CUL3: variants seen among roughly 807,000 people sequenced by gnomAD.
CUL3 encodes cullin-3.
Under a neutral mutation model 89.1 loss-of-function variants are expected in CUL3, and 19 were observed. The ratio of observed to expected loss-of-function variants is 0.21; its 90% CI spans 0.15 to 0.31. The LOEUF is 0.31. Ranked by LOEUF, CUL3 falls within the 10% of genes least tolerant of loss-of-function variation. The pLI is 1.00. For missense variants in CUL3, 469 were observed against 942.3 expected (o/e 0.50, Z 6.58); for synonymous variants, 351 against 308.4 (o/e 1.14, Z -1.45).
Position 224,473,871 on chromosome 2 carries a change from C to T in CUL3, c.*374G>A, listed in dbSNP as rs772518058. On this transcript the variant is annotated 3_prime_UTR_variant, in exon 16 of 16. Coordinates refer to ENST00000264414, the MANE Select transcript of CUL3 (RefSeq NM_003590.5). ...ATGCGCAAAGTGCTAAGCAACACTA[C>T]AAAACACATTTACATCAACACTGAA... 1.6e-4 allele frequency: 34 copies of T among 218,202 alleles called. No homozygotes were observed. Among genetic ancestry groups the T allele is most frequent in the Non-Finnish European group, 2.7e-4 (29 of 108,458 alleles). The allele number at this position is 218,202 out of a possible 1,614,324, so 13.5% of individuals were successfully genotyped here. A position where few individuals can be genotyped will look rare whatever the true frequency, so the allele number is the denominator to read the frequency against.
rs1691144171 is a variant in CUL3, at chr2:224,471,878, A to G, written c.*2367T>C. ...TATCCACCCTCCTTAAAAGTCTTCT[A>G]ATAAATCACCAAAATTTCTCTGCAC... On this transcript the variant is annotated 3_prime_UTR_variant, in exon 16 of 16. Transcript: ENST00000264414. 1 of 230,878 alleles carries G rather than the reference A, an allele frequency of 4.3e-6. No homozygotes were observed. The highest frequency in any genetic ancestry group is 1.8e-4 in the South Asian group (1 of 5,512). 14.3% of individuals were successfully genotyped at this position (230,878 alleles called of 1,614,324 possible).
At chr2:224,508,425 CACATACTACAGTAAAT>C (rs541324862) in intron 6 of CUL3, among the ~76,000 whole-genome samples, 128 of 152,266 alleles carry the variant, frequency 8.4e-4, no homozygotes, top group African/African-American at 2.8e-3. Flanking sequence ...AATCTATGGA[CACATACTACAGTAAAT>C]GTGGCACACC....
chr2:224,500,105 A>T, intron 11 of CUL3: 2 of 320,214 alleles, frequency 6.2e-6, no homozygotes, highest in Non-Finnish European at 1.2e-5. Flanking sequence ...TTCCATTTTT[A>T]CTGCTGCTCT....
chr2:224,509,645 C>T (rs1196959906), intron 6 of CUL3, among the ~76,000 whole-genome samples: 5 of 152,342 alleles, frequency 3.3e-5, no homozygotes, highest in African/African-American at 1.2e-4. Context: ...CGTAAGTGCT[C>T]GCCATGATAG....
rs143976510 is a variant in CUL3, at chr2:224,523,330, A to C, written c.379-8558T>G. Among the ~76,000 whole-genome samples, 35 of 152,232 alleles carry C rather than the reference A, an allele frequency of 2.3e-4. No individual in the cohort carries two copies. The East Asian group carries it at 6.2e-3, about 27-fold the overall frequency. On this transcript the variant is annotated intron_variant, in intron 3 of 15. Coordinates refer to ENST00000264414, the MANE Select transcript of CUL3 (RefSeq NM_003590.5). ...GACCAACGCCCCTGGAAGAACAACT[A>C]TAAAAGCTGGATGAAAATAAAAAAC...
intron 2 of CUL3, among the ~76,000 whole-genome samples, chr2:224,554,065 C>A (rs575692152): frequency 6.6e-6 from 1 of 152,110 alleles, no homozygotes; most frequent in Admixed American, 6.6e-5. Context: ...TGATCTCACA[C>A]TCTGGCCTTC....
intron 13 of CUL3, among the ~76,000 whole-genome samples, chr2:224,490,453 A>G (rs1691920922): frequency 1.3e-5 from 2 of 151,452 alleles, no homozygotes; most frequent in Admixed American, 1.3e-4. Context: ...CTTGTATCCA[A>G]TAACAGCGCA....
At chr2:224,540,117 C>T (rs942731268) in intron 2 of CUL3, among the ~76,000 whole-genome samples, 5 of 150,220 alleles carry the variant, frequency 3.3e-5, no homozygotes, top group South Asian at 2.1e-4. Context: ...GGTCCAGTGG[C>T]GCAATCTTGG....
chr2:224,535,417 A>T, intron 3 of CUL3, 111 bp downstream of exon 3: 1 of 634,810 alleles, frequency 1.6e-6, no homozygotes, highest in East Asian at 3.1e-5. Context: ...TGATATGCCC[A>T]CCTTGGCCTC....
At chr2:224,513,766 T>A in intron 4 of CUL3, 128 bp from the exon 5 acceptor site, 1 of 615,780 alleles carries the variant, frequency 1.6e-6, no homozygotes, top group South Asian at 2.3e-5. Context: ...CAATCTCCAA[T>A]AGGCCACTCA....
chr2:224,474,241 C>T lies in CUL3; in HGVS notation c.*4G>A, dbSNP rs775442743. ...CAAGAATAAATCAAATTTCTGAACG[C>T]ATTTTATGCTACATATGTGTATACT... On this transcript the variant is annotated 3_prime_UTR_variant, in exon 16 of 16. Coordinates refer to ENST00000264414, the MANE Select transcript of CUL3 (RefSeq NM_003590.5). The T allele has an allele frequency of 6.2e-6, 10 of 1,611,936 alleles. No individual in the cohort carries two copies. In the East Asian group the frequency reaches 2.2e-4, roughly 36 times the overall value.
chr2:224,559,610 T>C (rs760986967), intron 1 of CUL3, among the ~76,000 whole-genome samples: 1 of 152,206 alleles, frequency 6.6e-6, no homozygotes, highest in South Asian at 2.1e-4. Flanking sequence ...AAGTTCCATC[T>C]TTCCATTATA....
In CUL3 at chr2:224,576,455, C is replaced by T. The variant is rs534136369; in HGVS notation, c.66+8489G>A. ...CATGATCTTTAACGACCCTCTACTA[C>T]ATCTTAAGACTTCACTTAGAGTTAC... On this transcript the variant is annotated intron_variant, in intron 1 of 15. Transcript: ENST00000264414. 2.0e-5 allele frequency among the ~76,000 whole-genome samples: 3 copies of T among 152,316 alleles called. No individual in the cohort carries two copies. In the South Asian group the frequency reaches 6.2e-4, roughly 32 times the overall value.
At position 224,497,895 on chromosome 2, in the gene CUL3, C is replaced by T. The variant is rs1313020806; in HGVS notation, c.1611-46G>A. The T allele has an allele frequency of 1.3e-5, 18 of 1,406,720 alleles. 2 individuals are homozygous for T. The Middle Eastern group carries it at 2.8e-3, about 223-fold the overall frequency. The allele number at this position is 1,406,720 out of a possible 1,614,324, so 87.1% of individuals were successfully genotyped here. A position where few individuals can be genotyped will look rare whatever the true frequency, so the allele number is the denominator to read the frequency against. On this transcript the variant is annotated intron_variant, in intron 11 of 15. Coordinates refer to ENST00000264414, the MANE Select transcript of CUL3 (RefSeq NM_003590.5). ...TTTTAGAAAATCAAACAAACTTACA[C>T]ATTTGAAATTACAAACTACAGGATA...
intron 13 of CUL3, among the ~76,000 whole-genome samples, chr2:224,484,018 G>A (rs114141395): frequency 1.1e-3 from 163 of 152,186 alleles, no homozygotes; most frequent in African/African-American, 3.7e-3. Context: ...AGCAAGATCT[G>A]CTCTCTACCA....
chr2:224,559,331 A>G (rs991427732), intron 1 of CUL3, among the ~76,000 whole-genome samples: 8 of 150,584 alleles, frequency 5.3e-5, no homozygotes, highest in African/African-American at 1.7e-4. Flanking sequence ...GCGCATGCCT[A>G]TAGTCCCAGC....
At chr2:224,532,383 AAG>A (rs1186984426) in intron 3 of CUL3, among the ~76,000 whole-genome samples, 3 of 152,056 alleles carry the variant, frequency 2.0e-5, no homozygotes, top group Non-Finnish European at 2.9e-5. Flanking sequence ...GAGGCATACA[AAG>A]AGAGTTCTTT....
chr2:224,545,494 T>C (rs764854156), intron 2 of CUL3, among the ~76,000 whole-genome samples: 3 of 152,214 alleles, frequency 2.0e-5, no homozygotes, highest in Non-Finnish European at 4.4e-5. Context: ...TCATTCTCAG[T>C]GGAAATATTC....
chr2:224,498,027 G>C (rs62186977), intron 11 of CUL3, among the ~76,000 whole-genome samples, 178 bp from the exon 12 acceptor site: 2,664 of 152,274 alleles, frequency 0.017, 37 homozygotes, highest in Non-Finnish European at 0.026. Flanking sequence ...GCAAGACCTT[G>C]AGAGAGTCCT....
Sources: allele counts gnomAD v4.1 joint callset (sites outside exome capture counted in the v4.1 genomes callset), GRCh38; gene constraint gnomAD v4.1.1; transcripts MANE v1.5; gene names NCBI Gene and HGNC (gene_info 2026-07-23, HGNC 2026-07-21).